Variants in SOX5 observed in about 807,000 individuals in gnomAD.
The protein encoded by SOX5 is SRY-box transcription factor 5.
In SOX5, 9 loss-of-function variants were observed where a neutral mutation model predicts 92.0. That is an observed-to-expected ratio of 0.10 (90% confidence interval 0.06 to 0.17). The LOEUF is 0.17. Ranked by LOEUF, SOX5 falls within the 10% of genes least tolerant of loss-of-function variation. The pLI is 1.00. For synonymous variants in SOX5, 344 were observed against 336.3 expected (o/e 1.02, Z -0.25); for missense variants, 642 against 944.5 (o/e 0.68, Z 4.20).
chr12:24,031,543 G>A (rs1023287427), intron 4 of SOX5, among the ~76,000 whole-genome samples: 5 of 151,758 alleles, frequency 3.3e-5, no homozygotes, highest in Non-Finnish European at 5.9e-5. Context: ...GGATGAAGGA[G>A]GCTGGGGAGT....
At chr12:23,942,771 T>A (rs963683831) in intron 1 of SOX5, among the ~76,000 whole-genome samples, 2 of 151,732 alleles carry the variant, frequency 1.3e-5, no homozygotes, top group Admixed American at 6.6e-5. Flanking sequence ...TTGGGAAAGG[T>A]AGGGGAACCA....
chr12:23,815,004 A>G (rs1361149827), intron 3 of SOX5, among the ~76,000 whole-genome samples: 1 of 152,202 alleles, frequency 6.6e-6, no homozygotes, highest in Admixed American at 6.5e-5. Context: ...ATAAACTGCA[A>G]AAGAGTTTTC....
intron 1 of SOX5, among the ~76,000 whole-genome samples, chr12:24,369,092 C>T (rs1055318918): frequency 2.6e-5 from 4 of 152,182 alleles, no homozygotes; most frequent in African/African-American, 4.8e-5. Context: ...AAGGAGACAA[C>T]GCCTAGCATG....
Position 24,216,223 on chromosome 12 carries a change from C to A in SOX5, c.-76-2806G>T, listed in dbSNP as rs370469819. Among the ~76,000 whole-genome samples, 10 of 152,190 alleles carry A rather than the reference C, an allele frequency of 6.6e-5. No individual in the cohort carries two copies. The East Asian group carries it at 1.7e-3, about 27-fold the overall frequency. ...TCCCGGCCGGGCGCGGTGGCTTACG[C>A]CTGTAATCCCAGCACTTTGGGAGGC... is the stretch of plus-strand genomic sequence containing the variant. On this transcript the variant is annotated intron_variant, in intron 3 of 4. Coordinates refer to the SOX5 transcript ENST00000446891.
At chr12:23,879,302 A>G (rs1568569999) in intron 2 of SOX5, among the ~76,000 whole-genome samples, 3 of 150,572 alleles carry the variant, frequency 2.0e-5, no homozygotes, top group Non-Finnish European at 4.4e-5. Context: ...ATTTTAATTA[A>G]AAGAGTTGCT....
chr12:23,710,246 T>TA (rs2091905096), intron 6 of SOX5, among the ~76,000 whole-genome samples: 3 of 152,042 alleles, frequency 2.0e-5, no homozygotes, highest in South Asian at 4.2e-4. Context: ...ATGATATATA[T>TA]TTTTTTTATT....
At chr12:24,039,164 G>T (rs1311132139) in intron 4 of SOX5, among the ~76,000 whole-genome samples, 1 of 152,148 alleles carries the variant, frequency 6.6e-6, no homozygotes, top group African/African-American at 2.4e-5. Context: ...CATGGAAACT[G>T]TGAGTTTTCC....
chr12:23,816,705 T>C (rs1380916169), intron 3 of SOX5, among the ~76,000 whole-genome samples: 1 of 152,034 alleles, frequency 6.6e-6, no homozygotes, highest in Non-Finnish European at 1.5e-5. Flanking sequence ...TTAGAGCAAA[T>C]GTCATAAAAG....
chr12:23,539,665 G>C (rs899395694), intron 13 of SOX5, among the ~76,000 whole-genome samples: 1 of 151,366 alleles, frequency 6.6e-6, no homozygotes, highest in Non-Finnish European at 1.5e-5. Context: ...GATAATAAAA[G>C]ATGTGTAAAT....
intron 10 of SOX5, among the ~76,000 whole-genome samples, chr12:23,572,641 A>G (rs1480112941): frequency 6.6e-6 from 1 of 152,184 alleles, no homozygotes; most frequent in Non-Finnish European, 1.5e-5. Context: ...AGTTCTAACA[A>G]CATCACAAAA....
rs1938759726 is a variant in SOX5 at position 23,530,610 on chromosome 12, T to C, written c.*3609A>G. The C allele has an allele frequency of 6.6e-6, 1 of 152,198 alleles. No homozygotes were observed. The highest frequency in any genetic ancestry group is 1.5e-5 in the Non-Finnish European group (1 of 68,044). The allele number at this position is 152,198 out of a possible 1,614,324, so 9.4% of individuals were successfully genotyped here. A position where few individuals can be genotyped will look rare whatever the true frequency, so the allele number is the denominator to read the frequency against. ...TAGGTATAAATGTGCTGAAGAATAGTTTTATATTTTATCCAATTGTGGTAA... is the reference window on the plus strand; with the variant it reads ...TAGGTATAAATGTGCTGAAGAATAGCTTTATATTTTATCCAATTGTGGTAA... On this transcript the variant is annotated 3_prime_UTR_variant, in exon 15 of 15. Transcript: ENST00000451604.
rs531997544 is a variant in SOX5, at chr12:23,599,767, G to A, written c.1164+4620C>T. 6.6e-5 allele frequency among the ~76,000 whole-genome samples: 10 copies of A among 152,208 alleles called. No individual in the cohort carries two copies. In the South Asian group the frequency reaches 1.7e-3, roughly 25 times the overall value. Reference sequence around the variant, plus strand: ...GCCTATTCATAACTAACAATTATACGAGCTGTGTGTGAAACTGAGTCTAAA... The same window carrying A: ...GCCTATTCATAACTAACAATTATACAAGCTGTGTGTGAAACTGAGTCTAAA... On this transcript the variant is annotated intron_variant, in intron 9 of 14. Transcript: ENST00000451604.
intron 2 of SOX5, among the ~76,000 whole-genome samples, chr12:24,353,328 C>T (rs971369622): frequency 4.6e-5 from 7 of 152,136 alleles, no homozygotes; most frequent in African/African-American, 7.2e-5. Flanking sequence ...CTTCGTTTCC[C>T]GTAAAGAAAC....
At chr12:24,456,097 G>A (rs1382303824) in intron 1 of SOX5, among the ~76,000 whole-genome samples, 1 of 152,140 alleles carries the variant, frequency 6.6e-6, no homozygotes, top group Non-Finnish European at 1.5e-5. Context: ...CAGCACCTCA[G>A]GAAACCCAGC....
intron 4 of SOX5, among the ~76,000 whole-genome samples, chr12:24,012,719 T>C (rs1045892467): frequency 6.6e-6 from 1 of 152,136 alleles, no homozygotes; most frequent in Non-Finnish European, 1.5e-5. Flanking sequence ...TGGCACTCTT[T>C]CCTCTACATC....
chr12:23,842,562 A>G (rs2096531474), intron 3 of SOX5, among the ~76,000 whole-genome samples: 1 of 152,154 alleles, frequency 6.6e-6, no homozygotes, highest in South Asian at 2.1e-4. Flanking sequence ...AATAAAAGGA[A>G]CCAGAGATTC....
At chr12:24,419,427 G>A (rs746191684) in intron 1 of SOX5, among the ~76,000 whole-genome samples, 6 of 152,018 alleles carry the variant, frequency 3.9e-5, no homozygotes, top group African/African-American at 7.2e-5. Context: ...GGTGTGAGCC[G>A]CCATGCACAG....
chr12:23,906,832 G>A (rs1309711236), intron 1 of SOX5, among the ~76,000 whole-genome samples: 1 of 151,970 alleles, frequency 6.6e-6, no homozygotes, highest in Admixed American at 6.6e-5. Context: ...TGTGCTTCCG[G>A]GTTAAGGAAA....
rs570101488 is a variant in SOX5, at chr12:23,731,590, C to T, written c.810+3094G>A. On this transcript the variant is annotated intron_variant, in intron 6 of 14. Transcript: ENST00000451604. ...TGACTTCTCCTTTAGCAAGATCTCA[C>T]AACAACAATGAGCAAAATGTAGGAA... 2.0e-5 allele frequency among the ~76,000 whole-genome samples: 3 copies of T among 152,200 alleles called. No individual in the cohort carries two copies. In the South Asian group the frequency reaches 6.2e-4, roughly 31 times the overall value.
Sources: allele counts gnomAD v4.1 joint callset (sites outside exome capture counted in the v4.1 genomes callset), GRCh38; gene constraint gnomAD v4.1.1; transcripts MANE v1.5; gene names NCBI Gene and HGNC (gene_info 2026-07-23, HGNC 2026-07-21).